TMEM178A: variants seen among roughly 807,000 people sequenced by gnomAD.
TMEM178A encodes transmembrane protein 178.
A neutral mutation model predicts 29.1 loss-of-function variants in TMEM178A; 12 were observed. That is an observed-to-expected ratio of 0.41 (90% CI 0.26 to 0.67). The LOEUF is 0.67. Among genes scored for constraint, TMEM178A ranks in the 30% least tolerant of loss-of-function variants. The probability of loss-of-function intolerance (pLI) is 0.29; values close to 1 mark genes in which losing one functional copy is unlikely to be tolerated. For synonymous variants in TMEM178A, 210 were observed against 187.2 expected, an observed-to-expected ratio of 1.12 and a Z score of -0.99; for missense variants, 366 against 419.1, an observed-to-expected ratio of 0.87 and a Z score of 1.11.
intron 3 of TMEM178A, among the ~76,000 whole-genome samples, chr2:39,712,046 T>TGTGTGTGTGTGC (rs1672331850): frequency 6.9e-6 from 1 of 145,260 alleles, no homozygotes; most frequent in Admixed American, 6.7e-5. Flanking sequence ...GCATTTTGTG[T>TGTGTGTGTGTGC]GTGTGTGTGT....
At chr2:39,709,811 G>C (rs1002212610) in intron 3 of TMEM178A, among the ~76,000 whole-genome samples, 4 of 152,226 alleles carry the variant, frequency 2.6e-5, no homozygotes, top group African/African-American at 4.8e-5. Context: ...GTGGACAAAA[G>C]CCTCAGTAGG....
chr2:39,715,920 T>G (rs757719843), intron 3 of TMEM178A, among the ~76,000 whole-genome samples: 1 of 152,218 alleles, frequency 6.6e-6, no homozygotes, highest in Non-Finnish European at 1.5e-5. Flanking sequence ...TTGAATGGGT[T>G]GGAGAGGTAA....
At chr2:39,683,745 A>AAC (rs1374360881) in intron 1 of TMEM178A, among the ~76,000 whole-genome samples, 1 of 152,192 alleles carries the variant, frequency 6.6e-6, no homozygotes, top group African/African-American at 2.4e-5. Flanking sequence ...CCTTCCTTTT[A>AAC]ACACAATCAG....
At chr2:39,671,790 C>T (rs914799242) in intron 1 of TMEM178A, among the ~76,000 whole-genome samples, 2 of 152,134 alleles carry the variant, frequency 1.3e-5, no homozygotes, top group African/African-American at 2.4e-5. Flanking sequence ...ATGTACAGAC[C>T]GCACTCTCAA....
intron 1 of TMEM178A, among the ~76,000 whole-genome samples, chr2:39,679,188 G>T (rs1287819424): frequency 6.6e-6 from 1 of 152,076 alleles, no homozygotes; most frequent in Non-Finnish European, 1.5e-5. Context: ...GTTAGTATTG[G>T]GCACATGGCG....
intron 3 of TMEM178A, among the ~76,000 whole-genome samples, chr2:39,715,839 T>C (rs767792982): frequency 6.6e-5 from 10 of 152,184 alleles, no homozygotes; most frequent in Non-Finnish European, 1.2e-4. Context: ...CCTGAATTTG[T>C]TTTTCTGCTA....
intron 1 of TMEM178A, among the ~76,000 whole-genome samples, chr2:39,692,345 G>A (rs765432010): frequency 2.0e-5 from 3 of 152,158 alleles, no homozygotes; most frequent in Non-Finnish European, 2.9e-5. Flanking sequence ...CCCACAAAGG[G>A]TAACTATGTG....
intron 3 of TMEM178A, among the ~76,000 whole-genome samples, chr2:39,708,978 T>TC (rs1672184254): frequency 6.6e-6 from 1 of 152,148 alleles, no homozygotes; most frequent in African/African-American, 2.4e-5. Context: ...GAACTAATAT[T>TC]CCCCGAGATA....
downstream of TMEM178A, among the ~76,000 whole-genome samples, chr2:39,718,780 C>T (rs1490694795): frequency 6.6e-6 from 1 of 152,110 alleles, no homozygotes; most frequent in Non-Finnish European, 1.5e-5. Context: ...GGGTGGGGCA[C>T]TCGCCGACTT....
intron 1 of TMEM178A, among the ~76,000 whole-genome samples, chr2:39,677,107 G>A (rs1372482825): frequency 6.6e-6 from 1 of 152,156 alleles, no homozygotes; most frequent in African/African-American, 2.4e-5. Context: ...GGATTGGAGA[G>A]CTTGGTGCTT....
rs896784721 is a variant in TMEM178A at position 39,717,305 on chromosome 2, G to A, written c.*54G>A. ...GAGCGACTCCTGAGGGGAACAGCGC[G>A]GAGTTCAGGAGTCCAAGCACAAAGC... is the stretch of plus-strand genomic sequence containing the variant. On this transcript the variant is annotated 3_prime_UTR_variant, in exon 4 of 4. Transcript: ENST00000281961. 20 of 1,559,836 alleles carry A rather than the reference G, an allele frequency of 1.3e-5. No individual in the cohort carries two copies. The highest frequency in any genetic ancestry group is 1.7e-5 in the Non-Finnish European group (20 of 1,152,142).
intron 1 of TMEM178A, among the ~76,000 whole-genome samples, chr2:39,703,783 C>A (rs765725239): frequency 2.0e-4 from 31 of 152,188 alleles, no homozygotes; most frequent in Non-Finnish European, 3.4e-4. Flanking sequence ...AGCTGATTTT[C>A]CCAACCATCT....
At chr2:39,698,089 G>A (rs1423921862) in intron 1 of TMEM178A, 2 of 152,170 alleles carry the variant, frequency 1.3e-5, no homozygotes, top group African/African-American at 4.8e-5. Flanking sequence ...GTTCTAAATT[G>A]GAAAGATTGT....
intron 1 of TMEM178A, among the ~76,000 whole-genome samples, chr2:39,688,935 C>A (rs1671197767): frequency 6.6e-6 from 1 of 152,134 alleles, no homozygotes; most frequent in East Asian, 1.9e-4. Flanking sequence ...GTAAAGGGGA[C>A]ATGAGAACAT....
intron 1 of TMEM178A, among the ~76,000 whole-genome samples, chr2:39,671,550 G>A (rs79074399): frequency 0.01 from 1,534 of 152,138 alleles, 23 homozygotes; most frequent in South Asian, 0.047. Context: ...TTAAGACTTC[G>A]TTTTTCTTTC....
intron 1 of TMEM178A, among the ~76,000 whole-genome samples, chr2:39,681,278 T>C (rs2716683): frequency 0.54 from 81,742 of 152,038 alleles, 23,327 homozygotes; most frequent in East Asian, 0.87. Context: ...TAGGTAGACA[T>C]GCCAAGAGAT....
chr2:39,709,132 G>A (rs1672191804), intron 3 of TMEM178A, among the ~76,000 whole-genome samples: 1 of 152,222 alleles, frequency 6.6e-6, no homozygotes, highest in Non-Finnish European at 1.5e-5. Context: ...CCCCACCGGG[G>A]CTGACACTGT....
intron 1 of TMEM178A, among the ~76,000 whole-genome samples, chr2:39,693,006 C>G (rs762068107): frequency 6.6e-6 from 1 of 152,104 alleles, no homozygotes; most frequent in African/African-American, 2.4e-5. Flanking sequence ...AAAAATTCAT[C>G]AGGAGGATGA....
At chr2:39,683,329 C>A (rs1374904533) in intron 1 of TMEM178A, among the ~76,000 whole-genome samples, 1 of 152,116 alleles carries the variant, frequency 6.6e-6, no homozygotes, top group Non-Finnish European at 1.5e-5. Flanking sequence ...CTATGGAAGC[C>A]ATGTTAAAAA....
Sources: gnomAD v4.1 joint callset for allele counts (sites outside exome capture counted in the v4.1 genomes callset) on GRCh38, gnomAD v4.1.1 for gene constraint, MANE v1.5 for transcripts, NCBI Gene and HGNC (gene_info 2026-07-23, HGNC 2026-07-21) for gene names.